Variants in PCBP3 observed in about 807,000 individuals in gnomAD.
The protein encoded by PCBP3 is poly(rC)-binding protein 3.
In PCBP3, 25 loss-of-function variants were observed where a neutral mutation model predicts 52.7. The ratio of observed to expected loss-of-function variants is 0.47; its 90% CI spans 0.35 to 0.66. PCBP3 has a LOEUF of 0.66. Ranked by LOEUF, PCBP3 falls within the 30% of genes least tolerant of loss-of-function variation. The pLI is 0.01. For missense variants in PCBP3, 391 were observed against 490.3 expected (o/e 0.80, Z 1.91); for synonymous variants, 162 against 183.0 (o/e 0.89, Z 0.93).
intron 4 of PCBP3, among the ~76,000 whole-genome samples, chr21:45,771,405 A>G (rs1338093736): frequency 2.6e-5 from 4 of 152,204 alleles, no homozygotes; most frequent in African/African-American, 9.6e-5. Context: ...TTAGCAGTTT[A>G]GTGTGGTGGG....
intron 5 of PCBP3, among the ~76,000 whole-genome samples, chr21:45,863,975 G>A (rs554632148): frequency 7.9e-5 from 12 of 152,328 alleles, no homozygotes; most frequent in South Asian, 4.1e-4. Flanking sequence ...TGAGGCTCCC[G>A]TCAGGCCGGC....
Position 45,741,988 on chromosome 21 carries a change from C to G in PCBP3, c.-162+6559C>G, listed in dbSNP as rs1240901110. ...CACACTTTCGTGCCCTGCTTTTTAA[C>G]TGAATAGTATTCTGCAAAGTGTTCG... On this transcript the variant is annotated intron_variant, in intron 3 of 17. Transcript: ENST00000681687. This position sits in a 1 kb window ranked among gnomAD's most constrained non-coding sequence, Gnocchi z 4.5. 6.6e-6 allele frequency among the ~76,000 whole-genome samples: 1 copy of G among 152,244 alleles called. No homozygotes were observed. The highest frequency in any genetic ancestry group is 1.9e-4 in the East Asian group (1 of 5,204).
At chr21:45,828,463 C>G (rs925211517) in intron 4 of PCBP3, 4 of 152,334 alleles carry the variant, frequency 2.6e-5, no homozygotes, top group African/African-American at 9.6e-5. Context: ...GATCAGTTCG[C>G]AACAACTTGA....
intron 5 of PCBP3, among the ~76,000 whole-genome samples, chr21:45,878,313 C>T (rs147530098): frequency 2.4e-4 from 36 of 152,360 alleles, no homozygotes; most frequent in South Asian, 2.3e-3. Flanking sequence ...GGGGCTGTTT[C>T]GTGTCTCTGC....
At chr21:45,690,578 A>G (rs2082400737) in intron 2 of PCBP3, among the ~76,000 whole-genome samples, 1 of 152,170 alleles carries the variant, frequency 6.6e-6, no homozygotes, top group Non-Finnish European at 1.5e-5. Flanking sequence ...ATCTGAAAAA[A>G]GGACTATTTC....
intron 13 of PCBP3, among the ~76,000 whole-genome samples, chr21:45,923,746 A>G (rs1362258711): frequency 6.6e-6 from 1 of 152,278 alleles, no homozygotes; most frequent in Non-Finnish European, 1.5e-5. Flanking sequence ...AAACAGGATA[A>G]ACAAATAATA....
At chr21:45,902,800 G>A (rs2096095998) in intron 9 of PCBP3, among the ~76,000 whole-genome samples, 2 of 152,262 alleles carry the variant, frequency 1.3e-5, no homozygotes, top group East Asian at 1.9e-4. Flanking sequence ...TGGCTGGCCA[G>A]CAAGAAACTG....
Position 45,710,425 on chromosome 21 carries a change from G to T in PCBP3, c.-199-24967G>T, listed in dbSNP as rs568959561. Reference sequence around the variant, plus strand: ...GCGGTGTTTGGTTTTTTGTCCTTGCGATAGTTTGCTGAGAATGATGGTTTC... The same window carrying T: ...GCGGTGTTTGGTTTTTTGTCCTTGCTATAGTTTGCTGAGAATGATGGTTTC... On this transcript the variant is annotated intron_variant, in intron 2 of 17. Coordinates refer to ENST00000681687, the MANE Select transcript of PCBP3 (RefSeq NM_001384156.1). Among the ~76,000 whole-genome samples, 10 of 152,154 alleles carry T rather than the reference G, an allele frequency of 6.6e-5. No individual in the cohort carries two copies. The South Asian group carries it at 2.1e-3, about 32-fold the overall frequency.
At chr21:45,663,508 A>G (rs904018351) in intron 1 of PCBP3, among the ~76,000 whole-genome samples, 53 of 152,008 alleles carry the variant, frequency 3.5e-4, no homozygotes, top group African/African-American at 1.3e-3. Flanking sequence ...TGGAATTTTT[A>G]TAGTTTTAGG....
At chr21:45,846,716 G>A (rs1442343039) in intron 4 of PCBP3, among the ~76,000 whole-genome samples, 2 of 152,178 alleles carry the variant, frequency 1.3e-5, no homozygotes, top group East Asian at 1.9e-4. Flanking sequence ...TGGCTTCGCC[G>A]CGCACTGGGT....
At chr21:45,852,300 A>G (rs1356246085) in intron 5 of PCBP3, among the ~76,000 whole-genome samples, 1 of 152,236 alleles carries the variant, frequency 6.6e-6, no homozygotes, top group African/African-American at 2.4e-5. Context: ...GGCCTGGAAA[A>G]GACAAGGGAA....
intron 1 of PCBP3, among the ~76,000 whole-genome samples, chr21:45,649,364 C>T (rs969814860): frequency 6.6e-6 from 1 of 152,148 alleles, no homozygotes; most frequent in East Asian, 1.9e-4. Context: ...GGGACACAGC[C>T]AAACCATATC....
At chr21:45,929,759 C>T (rs1225183705) in intron 13 of PCBP3, among the ~76,000 whole-genome samples, 158 bp from the exon 14 acceptor site, 1 of 152,234 alleles carries the variant, frequency 6.6e-6, no homozygotes, top group African/African-American at 2.4e-5. Flanking sequence ...CATTGGCTTC[C>T]CCCAGGCCAA....
intron 5 of PCBP3, among the ~76,000 whole-genome samples, chr21:45,866,941 G>A (rs559378937): frequency 4.6e-4 from 70 of 152,306 alleles, no homozygotes; most frequent in African/African-American, 1.6e-3. Context: ...AACATTATCC[G>A]GCAGGAGTAA....
chr21:45,687,475 T>C lies in PCBP3; in HGVS notation c.-200+18523T>C, dbSNP rs2082221050. On this transcript the variant is annotated intron_variant, in intron 2 of 17. Coordinates refer to ENST00000681687, the MANE Select transcript of PCBP3 (RefSeq NM_001384156.1). ...GGAATGCCAAAAGAGAAAGAACTAA[T>C]AAACAAGAGGAACAAAGAACAGATG... is the stretch of plus-strand genomic sequence containing the variant. Among the ~76,000 whole-genome samples, 4 of 152,032 alleles carry C rather than the reference T, an allele frequency of 2.6e-5. 1 individual carries two copies. In the South Asian group the frequency reaches 8.3e-4, roughly 32 times the overall value.
At chr21:45,849,274 C>G (rs1247131289) in intron 4 of PCBP3, among the ~76,000 whole-genome samples, 1 of 150,040 alleles carries the variant, frequency 6.7e-6, no homozygotes, top group African/African-American at 2.5e-5. Context: ...GGCGCAATCT[C>G]AGCTCACTGC....
chr21:45,696,814 C>CA (rs2082809103), intron 2 of PCBP3, among the ~76,000 whole-genome samples: 1 of 150,396 alleles, frequency 6.6e-6, no homozygotes, highest in African/African-American at 2.4e-5. Flanking sequence ...AGGCAACCAA[C>CA]AAAAAATGGG....
intron 1 of PCBP3, among the ~76,000 whole-genome samples, chr21:45,646,075 C>CTCTT (rs2079241090): frequency 1.8e-5 from 2 of 111,374 alleles, no homozygotes; most frequent in African/African-American, 3.7e-5. Flanking sequence ...CTCTCTCTCT[C>CTCTT]TCTCTCTTTC....
intron 3 of PCBP3, among the ~76,000 whole-genome samples, chr21:45,739,151 G>A (rs2086158026): frequency 2.3e-5 from 2 of 88,304 alleles, no homozygotes; most frequent in Non-Finnish European, 2.1e-5. Flanking sequence ...ACCCCTTCCT[G>A]TCCATTGTCC....
Sources: gnomAD v4.1 joint callset for allele counts (sites outside exome capture counted in the v4.1 genomes callset) on GRCh38, gnomAD v4.1.1 for gene constraint, Gnocchi (gnomAD v3.1) non-coding constraint, MANE v1.5 for transcripts, NCBI Gene and HGNC (gene_info 2026-07-23, HGNC 2026-07-21) for gene names.